Variants in MSRB3 observed in about 807,000 individuals in gnomAD.
MSRB3 encodes the protein methionine sulfoxide reductase B3.
MSRB3 carries 13 observed loss-of-function variants against 21.0 expected under a neutral mutation model. The ratio of observed to expected loss-of-function variants is 0.62; its 90% confidence interval spans 0.40 to 0.98. The LOEUF is 0.98. Ranked by LOEUF, MSRB3 falls within the 50% of genes least tolerant of loss-of-function variation. MSRB3 has a pLI of 0.00. For missense variants in MSRB3, 199 were observed against 230.3 expected (o/e 0.86, Z 0.88); for synonymous variants, 87 against 88.6 (o/e 0.98, Z 0.10).
intron 4 of MSRB3, among the ~76,000 whole-genome samples, chr12:65,330,867 ATT>A (rs1875369417): frequency 6.6e-6 from 1 of 152,148 alleles, no homozygotes; most frequent in African/African-American, 2.4e-5. Flanking sequence ...CTGTCCATTC[ATT>A]TTCTACTAGC....
intron 6 of MSRB3, among the ~76,000 whole-genome samples, chr12:65,455,624 G>C (rs180851697): frequency 1.1e-4 from 16 of 152,280 alleles, no homozygotes; most frequent in Middle Eastern, 3.4e-3. Flanking sequence ...ACTTGAATTG[G>C]GGTACTCTCC....
intron 1 of MSRB3, chr12:65,283,564 T>C (rs1872167536): frequency 6.6e-6 from 1 of 152,190 alleles, no homozygotes; most frequent in Admixed American, 6.6e-5. Flanking sequence ...TCTGAGTAGC[T>C]GGGCCTACAG....
intron 6 of MSRB3, 86 bp downstream of exon 6, chr12:65,453,911 GT>G (rs769220592): frequency 9.4e-7 from 1 of 1,060,140 alleles, no homozygotes; most frequent in Admixed American, 1.7e-5. Flanking sequence ...CAAGCGACTG[GT>G]CACAAGAAGG....
chr12:65,400,420 A>G (rs935266462), intron 5 of MSRB3, among the ~76,000 whole-genome samples: 1 of 151,988 alleles, frequency 6.6e-6, no homozygotes, highest in Non-Finnish European at 1.5e-5. Flanking sequence ...GTATTCTCTG[A>G]TGGTAGTTTG....
chr12:65,368,538 CCTT>C (rs1878140149), intron 4 of MSRB3, among the ~76,000 whole-genome samples: 1 of 152,106 alleles, frequency 6.6e-6, no homozygotes, highest in African/African-American at 2.4e-5. Flanking sequence ...AATTTTTTCT[CCTT>C]CTTATTAAAT....
intron 5 of MSRB3, among the ~76,000 whole-genome samples, chr12:65,432,554 T>C (rs1881929495): frequency 6.6e-6 from 1 of 152,028 alleles, no homozygotes; most frequent in African/African-American, 2.4e-5. Context: ...CTAAGGTAAA[T>C]GGATTGACTC....
At chr12:65,415,714 G>A (rs1880934769) in intron 5 of MSRB3, among the ~76,000 whole-genome samples, 1 of 152,168 alleles carries the variant, frequency 6.6e-6, no homozygotes, top group African/African-American at 2.4e-5. Flanking sequence ...TTCTACCATT[G>A]TGTCAAGGGT....
intron 4 of MSRB3, among the ~76,000 whole-genome samples, chr12:65,343,336 A>G (rs1366800156): frequency 6.6e-6 from 1 of 152,012 alleles, no homozygotes; most frequent in Non-Finnish European, 1.5e-5. Flanking sequence ...AATGAAAGGT[A>G]GCCACCGGAA....
chr12:65,420,525 T>C (rs958176421), intron 5 of MSRB3, among the ~76,000 whole-genome samples: 1 of 152,134 alleles, frequency 6.6e-6, no homozygotes, highest in South Asian at 2.1e-4. Flanking sequence ...GTTTGTTATA[T>C]AGGTAAACTC....
chr12:65,337,276 A>AAAC (rs1181751189), intron 4 of MSRB3, among the ~76,000 whole-genome samples: 2 of 151,328 alleles, frequency 1.3e-5, no homozygotes, highest in African/African-American at 4.9e-5. Context: ...AACAAAAAAA[A>AAAC]ACCAAAAATC....
chr12:65,320,175 G>A (rs1874569882), intron 2 of MSRB3, among the ~76,000 whole-genome samples: 1 of 152,010 alleles, frequency 6.6e-6, no homozygotes, highest in African/African-American at 2.4e-5. Flanking sequence ...CATTAAATGT[G>A]ATTATTATTA....
chr12:65,336,356 A>C (rs1875762713), intron 4 of MSRB3, among the ~76,000 whole-genome samples: 1 of 152,246 alleles, frequency 6.6e-6, no homozygotes, highest in Non-Finnish European at 1.5e-5. Flanking sequence ...GATAATTATA[A>C]CTGCATTTTT....
intron 5 of MSRB3, among the ~76,000 whole-genome samples, chr12:65,380,588 A>G (rs1878886366): frequency 6.6e-6 from 1 of 152,102 alleles, no homozygotes; most frequent in Non-Finnish European, 1.5e-5. Context: ...AAGAAAAAGA[A>G]TTGGTACTTA....
At chr12:65,338,178 G>A (rs1875909737) in intron 4 of MSRB3, among the ~76,000 whole-genome samples, 1 of 152,072 alleles carries the variant, frequency 6.6e-6, no homozygotes, top group African/African-American at 2.4e-5. Context: ...TCCCTGCCAT[G>A]TTTTCTGAAT....
intron 2 of MSRB3, among the ~76,000 whole-genome samples, chr12:65,315,417 C>A (rs1874228436): frequency 6.6e-6 from 1 of 151,752 alleles, no homozygotes; most frequent in South Asian, 2.1e-4. Flanking sequence ...TACCTGTAAT[C>A]CAGGCACTTT....
chr12:65,389,366 C>T (rs1225907227), intron 5 of MSRB3, among the ~76,000 whole-genome samples: 1 of 152,164 alleles, frequency 6.6e-6, no homozygotes, highest in African/African-American at 2.4e-5. Flanking sequence ...CAAGGTCCCT[C>T]TTGCAGCTGC....
intron 5 of MSRB3, among the ~76,000 whole-genome samples, chr12:65,409,351 T>C (rs1880595832): frequency 1.3e-5 from 2 of 152,136 alleles, no homozygotes; most frequent in Admixed American, 6.5e-5. Flanking sequence ...CTATGTAATA[T>C]AGTCTATTGC....
At chr12:65,285,390 T>C (rs529466049) in intron 1 of MSRB3, 3 of 152,324 alleles carry the variant, frequency 2.0e-5, no homozygotes, top group South Asian at 4.2e-4. Context: ...GCTGTGCTGA[T>C]GTGGAAACCT....
intron 5 of MSRB3, among the ~76,000 whole-genome samples, chr12:65,410,494 A>C (rs567997295): frequency 6.6e-6 from 1 of 152,108 alleles, no homozygotes; most frequent in Admixed American, 6.6e-5. Flanking sequence ...AATACAAAAA[A>C]TTAGCTGAGT....
Sources: allele counts gnomAD v4.1 joint callset (sites outside exome capture counted in the v4.1 genomes callset), GRCh38; gene constraint gnomAD v4.1.1; transcripts MANE v1.5; gene names NCBI Gene and HGNC (gene_info 2026-07-23, HGNC 2026-07-21).